The following CCDC178 variants were observed in gnomAD, a reference collection of about 807,000 sequenced individuals.
CCDC178 encodes the protein coiled-coil domain-containing protein 178.
In CCDC178, 126 loss-of-function variants were observed where a neutral mutation model predicts 117.4. The observed-to-expected ratio is 1.07, with a 90% CI of 0.93 to 1.24. The LOEUF (loss-of-function observed/expected upper bound fraction) is 1.24, where lower values mean the gene tolerates loss of function less well. CCDC178 is among the 50% of genes most tolerant of loss of function. CCDC178 has a pLI of 0.00. For synonymous variants in CCDC178, 283 were observed against 313.4 expected (o/e 0.90, Z 1.02); for missense variants, 1,030 against 986.9 (o/e 1.04, Z -0.59).
At chr18:33,049,500 A>G (rs1418618239) in intron 21 of CCDC178, among the ~76,000 whole-genome samples, 1 of 152,054 alleles carries the variant, frequency 6.6e-6, no homozygotes, top group Middle Eastern at 3.4e-3. Flanking sequence ...ACTTTACATT[A>G]TATCAAGATA....
chr18:33,324,514 A>C (rs1020752162), intron 10 of CCDC178, among the ~76,000 whole-genome samples: 2 of 151,990 alleles, frequency 1.3e-5, no homozygotes, highest in Non-Finnish European at 2.9e-5. Context: ...CTCCAGAATA[A>C]GTGGTAACAC....
At chr18:33,273,306 A>T (rs2059910716) in intron 12 of CCDC178, among the ~76,000 whole-genome samples, 1 of 151,624 alleles carries the variant, frequency 6.6e-6, no homozygotes, top group African/African-American at 2.4e-5. Flanking sequence ...GTCAAAATGA[A>T]TAAAAATTTA....
rs139736043 is a variant in CCDC178, at chr18:33,224,897, G to C, written c.1696C>G (p.Arg566Gly). 1.3e-6 allele frequency: 2 copies of C among 1,547,402 alleles called. No individual in the cohort carries two copies. Among genetic ancestry groups the C allele is most frequent in the African/African-American group, 2.8e-5 (2 of 72,054 alleles). The change falls in exon 17 of 23, where the codon CGG becomes GGG. Residue 566 changes from arginine (R) to glycine (G), a missense_variant. By Grantham distance (125) the Arg-to-Gly change is moderately radical. Transcript: ENST00000383096. ...YSIYEVQALE[R>G]KELIKNRAIC... is the part of the protein sequence containing the mutation. The stretch of plus-strand genomic sequence containing the variant: ...GCTCTATTTTTTATAAGCTCTTTCC[G>C]CTCAAGTGCCTGGACTTCGTAAATG...
chr18:33,235,184 C>G (rs886888281), intron 15 of CCDC178, among the ~76,000 whole-genome samples: 6 of 152,144 alleles, frequency 3.9e-5, no homozygotes. Flanking sequence ...TGAAAAAGCA[C>G]TCAAGGCAAG....
rs181311208 is a variant in CCDC178 at position 33,362,658 on chromosome 18, G to C, written c.349-6312C>G. Among the ~76,000 whole-genome samples the C allele has an allele frequency of 3.3e-3, 506 of 151,990 alleles. 2 individuals are homozygous for C. The highest frequency in any genetic ancestry group is 0.012 in the African/African-American group (488 of 41,488). ...CATTGTACTACTATACCATCTATAT[G>C]TGTCTGTCTGTATGTATCCCAAAAC... On this transcript the variant is annotated intron_variant, in intron 6 of 22. Transcript: ENST00000383096.
chr18:33,272,678 T>C (rs531869174), intron 12 of CCDC178, among the ~76,000 whole-genome samples: 1 of 151,638 alleles, frequency 6.6e-6, no homozygotes, highest in African/African-American at 2.4e-5. Flanking sequence ...CATAAACATA[T>C]AGAAAGGATT....
intron 21 of CCDC178, among the ~76,000 whole-genome samples, chr18:33,055,663 AAC>A (rs1407749718): frequency 6.6e-6 from 1 of 152,176 alleles, no homozygotes; most frequent in Non-Finnish European, 1.5e-5. Context: ...TCTAACACTT[AAC>A]ATGAAAAGCT....
At chr18:33,125,939 T>C (rs1338696313) in intron 20 of CCDC178, among the ~76,000 whole-genome samples, 1 of 152,178 alleles carries the variant, frequency 6.6e-6, no homozygotes, top group Non-Finnish European at 1.5e-5. Context: ...CAGGCCACAT[T>C]AAGAAGTTTA....
At chr18:33,049,470 G>A (rs1325752618) in intron 21 of CCDC178, among the ~76,000 whole-genome samples, 3 of 151,916 alleles carry the variant, frequency 2.0e-5, no homozygotes, top group African/African-American at 7.3e-5. Flanking sequence ...TTTTTACCCT[G>A]TTTTGTTTAA....
chr18:33,319,047 TA>T (rs1390036914), intron 11 of CCDC178, among the ~76,000 whole-genome samples: 2 of 152,122 alleles, frequency 1.3e-5, no homozygotes, highest in Admixed American at 6.5e-5. Flanking sequence ...TAAATATATA[TA>T]TTTTTTATTA....
chr18:33,200,457 T>C lies in CCDC178; in HGVS notation c.2238+11439A>G, dbSNP rs561436342. Reference sequence around the variant, plus strand: ...GCTTTGTTACCCTTCTGGTCAATTATTCATAACCTAGCACACAAACTCCTT... The same window carrying C: ...GCTTTGTTACCCTTCTGGTCAATTACTCATAACCTAGCACACAAACTCCTT... On this transcript the variant is annotated intron_variant, in intron 20 of 22. Transcript: ENST00000383096. Among the ~76,000 whole-genome samples, 300 of 152,312 alleles carry C rather than the reference T, an allele frequency of 2.0e-3. 1 individual carries two copies. The highest frequency in any genetic ancestry group is 2.8e-3 in the Non-Finnish European group (189 of 68,026).
chr18:33,315,255 CA>C (rs1045708337), intron 11 of CCDC178, among the ~76,000 whole-genome samples: 3 of 151,812 alleles, frequency 2.0e-5, no homozygotes, highest in Admixed American at 6.6e-5. Flanking sequence ...TATCTCTTGG[CA>C]AAAAAAGGTG....
chr18:33,015,390 C>T (rs185638695), intron 21 of CCDC178, among the ~76,000 whole-genome samples: 105 of 151,998 alleles, frequency 6.9e-4, no homozygotes, highest in African/African-American at 2.2e-3. Context: ...ACGGTGAAAC[C>T]CCGTCTCTAT....
At chr18:33,177,484 C>A (rs1043923064) in intron 20 of CCDC178, among the ~76,000 whole-genome samples, 1 of 152,216 alleles carries the variant, frequency 6.6e-6, no homozygotes, top group Non-Finnish European at 1.5e-5. Flanking sequence ...CAATTCCATT[C>A]TGCATCCTTG....
intron 20 of CCDC178, among the ~76,000 whole-genome samples, chr18:33,108,704 T>C (rs1407403321): frequency 1.3e-5 from 2 of 151,726 alleles, no homozygotes; most frequent in Admixed American, 1.3e-4. Flanking sequence ...AATTGTATTA[T>C]GAACTTCCTA....
chr18:33,074,356 C>T (rs1048918334), intron 21 of CCDC178, among the ~76,000 whole-genome samples: 2 of 152,060 alleles, frequency 1.3e-5, no homozygotes, highest in Non-Finnish European at 2.9e-5. Context: ...TGCTTCCTAC[C>T]AAGGGTAACT....
At chr18:32,995,456 C>T (rs1337769046) in intron 21 of CCDC178, among the ~76,000 whole-genome samples, 18 of 152,018 alleles carry the variant, frequency 1.2e-4, no homozygotes, top group Admixed American at 1.2e-3. Flanking sequence ...AATAGTATTT[C>T]ACCAACTAAT....
intron 21 of CCDC178, among the ~76,000 whole-genome samples, chr18:33,024,974 T>C (rs1166987589): frequency 6.6e-6 from 1 of 152,108 alleles, no homozygotes; most frequent in Non-Finnish European, 1.5e-5. Context: ...GAAACTACTA[T>C]TATCTTGATA....
intron 21 of CCDC178, among the ~76,000 whole-genome samples, chr18:33,090,290 G>A (rs923510356): frequency 6.6e-6 from 1 of 152,026 alleles, no homozygotes; most frequent in Non-Finnish European, 1.5e-5. Context: ...TCCCTAAGAA[G>A]CACAATAATT....
Sources: gnomAD v4.1 joint callset for allele counts (sites outside exome capture counted in the v4.1 genomes callset) on GRCh38, gnomAD v4.1.1 for gene constraint, MANE v1.5 for transcripts, NCBI Gene and HGNC (gene_info 2026-07-23, HGNC 2026-07-21) for gene names.